EBF2: variants seen among roughly 807,000 people sequenced by gnomAD.
The protein encoded by EBF2 is transcription factor COE2.
A neutral mutation model predicts 72.8 loss-of-function variants in EBF2; 21 were observed. That is an observed-to-expected ratio of 0.29 (90% CI 0.20 to 0.42). The LOEUF (loss-of-function observed/expected upper bound fraction) is 0.42, where lower values mean the gene tolerates loss of function less well. Among genes scored for constraint, EBF2 ranks in the 10% least tolerant of loss-of-function variants. The probability of loss-of-function intolerance (pLI) is 1.00; values close to 1 mark genes in which losing one functional copy is unlikely to be tolerated. For synonymous variants in EBF2, 299 were observed against 274.2 expected (o/e 1.09, Z -0.89); for missense variants, 637 against 731.2 (o/e 0.87, Z 1.49).
At chr8:25,872,021 A>C (rs2117274296) in intron 10 of EBF2, among the ~76,000 whole-genome samples, 1 of 151,736 alleles carries the variant, frequency 6.6e-6, no homozygotes, top group African/African-American at 2.4e-5. Flanking sequence ...AGTGCGATAT[A>C]AAATTCTATA....
At chr8:26,012,115 G>A (rs981462397) in intron 6 of EBF2, among the ~76,000 whole-genome samples, 6 of 152,066 alleles carry the variant, frequency 3.9e-5, no homozygotes, top group Non-Finnish European at 7.4e-5. Flanking sequence ...CTTTGCAAGT[G>A]TATCATTTCC....
chr8:25,980,842 G>T (rs1323884345), intron 6 of EBF2, among the ~76,000 whole-genome samples: 1 of 151,698 alleles, frequency 6.6e-6, no homozygotes, highest in Non-Finnish European at 1.5e-5. Flanking sequence ...GGAAAGCAGT[G>T]GGGGAGGGGT....
At chr8:25,894,735 A>G (rs1802839529) in intron 7 of EBF2, among the ~76,000 whole-genome samples, 1 of 152,170 alleles carries the variant, frequency 6.6e-6, no homozygotes, top group Non-Finnish European at 1.5e-5. Flanking sequence ...TCTTACCATT[A>G]CCTTGTTAAC....
intron 6 of EBF2, among the ~76,000 whole-genome samples, chr8:25,946,304 A>G (rs1487651733): frequency 1.3e-5 from 2 of 152,210 alleles, no homozygotes; most frequent in African/African-American, 4.8e-5. Flanking sequence ...ACCAGCATGC[A>G]AACACCATGG....
At chr8:26,037,716 G>T (rs1805525801) in intron 5 of EBF2, among the ~76,000 whole-genome samples, 1 of 152,156 alleles carries the variant, frequency 6.6e-6, no homozygotes, top group Non-Finnish European at 1.5e-5. Context: ...AGGGCTCAGG[G>T]GTGGCTGGCA....
intron 6 of EBF2, among the ~76,000 whole-genome samples, chr8:25,923,436 C>T (rs1284510591): frequency 2.0e-5 from 3 of 152,212 alleles, no homozygotes; most frequent in Non-Finnish European, 4.4e-5. Flanking sequence ...GTTTTCTTTA[C>T]CATCTCTCAG....
At chr8:25,856,424 T>C (rs1437262954) in intron 14 of EBF2, among the ~76,000 whole-genome samples, 1 of 152,230 alleles carries the variant, frequency 6.6e-6, no homozygotes, top group Non-Finnish European at 1.5e-5. Context: ...TGATGTGTTC[T>C]AGTCCCTTTT....
At chr8:26,033,243 G>T in intron 5 of EBF2, 90 bp from the exon 6 acceptor site, 1 of 1,311,312 alleles carries the variant, frequency 7.6e-7, no homozygotes. Flanking sequence ...TTTCCCCCCA[G>T]ACAGAGTCTG....
intron 14 of EBF2, among the ~76,000 whole-genome samples, chr8:25,854,783 TTAATA>T (rs1445270680): frequency 6.6e-6 from 1 of 152,206 alleles, no homozygotes; most frequent in African/African-American, 2.4e-5. Context: ...TAATAATAAT[TTAATA>T]TTTTACAATA....
intron 6 of EBF2, among the ~76,000 whole-genome samples, chr8:25,917,494 A>G (rs1267158450): frequency 6.6e-6 from 1 of 152,206 alleles, no homozygotes; most frequent in Admixed American, 6.5e-5. Flanking sequence ...TGGTAAAAGA[A>G]ACAACCCATG....
chr8:25,932,000 T>TAGAA, intron 6 of EBF2, among the ~76,000 whole-genome samples: 1 of 152,194 alleles, frequency 6.6e-6, no homozygotes, highest in Non-Finnish European at 1.5e-5. Flanking sequence ...GGCTTTGATC[T>TAGAA]TGCTAGCAAG....
At chr8:25,973,930 A>C (rs1057397866) in intron 6 of EBF2, among the ~76,000 whole-genome samples, 1 of 152,060 alleles carries the variant, frequency 6.6e-6, no homozygotes, top group Non-Finnish European at 1.5e-5. Context: ...CACCCACCTC[A>C]GCCTCCCGAA....
intron 6 of EBF2, among the ~76,000 whole-genome samples, chr8:25,915,354 T>C (rs1803195708): frequency 6.6e-6 from 1 of 151,504 alleles, no homozygotes; most frequent in African/African-American, 2.4e-5. Flanking sequence ...CTGATCCACA[T>C]GGGGGATCCT....
intron 15 of EBF2, among the ~76,000 whole-genome samples, chr8:25,846,352 A>AACCATGCTGTATGTGGAGCTCTCTGGC (rs993054710): frequency 9.2e-5 from 14 of 152,146 alleles, no homozygotes; most frequent in Non-Finnish European, 2.1e-4. Flanking sequence ...TAGAAGGTGG[A>AACCATGCTGTATGTGGAGCTCTCTGGC]ACCATGCTGT....
At chr8:25,917,767 C>T (rs1473995120) in intron 6 of EBF2, among the ~76,000 whole-genome samples, 2 of 152,174 alleles carry the variant, frequency 1.3e-5, no homozygotes, top group Non-Finnish European at 2.9e-5. Flanking sequence ...TCCCCTCCCC[C>T]TCCCATTCTC....
intron 5 of EBF2, among the ~76,000 whole-genome samples, chr8:26,034,890 G>A (rs759941383): frequency 6.6e-6 from 1 of 152,200 alleles, no homozygotes; most frequent in Non-Finnish European, 1.5e-5. Flanking sequence ...CTGGGAATCA[G>A]CGTTCTGGTG....
intron 6 of EBF2, among the ~76,000 whole-genome samples, chr8:26,015,708 C>G (rs1211356294): frequency 1.3e-5 from 2 of 152,214 alleles, no homozygotes; most frequent in Admixed American, 6.5e-5. Flanking sequence ...TTAGCCTGGT[C>G]TATAATGAAG....
chr8:25,858,297 A>G (rs1212101572), intron 14 of EBF2, 22 bp downstream of exon 14: 14 of 1,613,270 alleles, frequency 8.7e-6, no homozygotes, highest in East Asian at 2.2e-5. Flanking sequence ...ATGGAGAGCC[A>G]AGTGATGGAG....
rs1429724668 is a variant in EBF2, at chr8:25,887,861, G to C, written c.863C>G (p.Thr288Ser). 6.2e-7 allele frequency: 1 copy of C among 1,612,366 alleles called. No individual in the cohort carries two copies. The highest frequency in any genetic ancestry group is 1.7e-5 in the Admixed American group (1 of 59,692). Reference protein sequence around the residue: ...FFDGLQVVFGTMLVWSELITP... With the variant: ...FFDGLQVVFGSMLVWSELITP... ...GCTTACCTCGCTCCATACAAGCATA[G>C]TCCCAAACACCACTTGGAGACCATC... The change falls in exon 9 of 16, where the codon ACT becomes AGT. Residue 288 changes from threonine (T) to serine (S), a missense_variant. Coordinates refer to ENST00000520164, the MANE Select transcript of EBF2 (RefSeq NM_022659.4).
Sources: allele counts gnomAD v4.1 joint callset (sites outside exome capture counted in the v4.1 genomes callset), GRCh38; gene constraint gnomAD v4.1.1; transcripts MANE v1.5; gene names NCBI Gene and HGNC (gene_info 2026-07-23, HGNC 2026-07-21).